Variants in RBFOX1 observed in about 807,000 individuals in gnomAD.
RBFOX1 encodes RNA binding protein fox-1 homolog 1.
RBFOX1 carries 8 observed loss-of-function variants against 57.7 expected under a neutral mutation model. That is an observed-to-expected ratio of 0.14 (90% CI 0.08 to 0.25). RBFOX1 has a LOEUF of 0.25. Ranked by LOEUF, RBFOX1 falls within the 10% of genes least tolerant of loss-of-function variation. The pLI is 1.00. For synonymous variants in RBFOX1, 326 were observed against 222.4 expected (o/e 1.47, Z -4.15); for missense variants, 611 against 548.5 (o/e 1.11, Z -1.14).
chr16:6,593,268 T>C (rs1189937726), intron 2 of RBFOX1, among the ~76,000 whole-genome samples: 1 of 152,182 alleles, frequency 6.6e-6, no homozygotes, highest in Non-Finnish European at 1.5e-5. Context: ...CTGGATCTCA[T>C]GTATTCCCTA....
intron 3 of RBFOX1, among the ~76,000 whole-genome samples, chr16:7,031,240 A>G (rs568684566): frequency 2.0e-5 from 3 of 152,296 alleles, no homozygotes; most frequent in East Asian, 1.9e-4. Context: ...TGACTCCTCT[A>G]TTTACTCATG....
At chr16:7,453,062 G>T (rs985749534) in intron 4 of RBFOX1, among the ~76,000 whole-genome samples, 8 of 150,800 alleles carry the variant, frequency 5.3e-5, no homozygotes, top group South Asian at 4.2e-4. Context: ...CCGGGAGGTG[G>T]AGGTTGCAGT....
chr16:5,875,004 G>C (rs1295865195), intron 4 of RBFOX1, among the ~76,000 whole-genome samples: 1 of 152,048 alleles, frequency 6.6e-6, no homozygotes, highest in East Asian at 1.9e-4. Flanking sequence ...GAGGTTAGAG[G>C]GGAAAAATAA....
At chr16:5,596,784 C>G (rs989376204) in intron 2 of RBFOX1, among the ~76,000 whole-genome samples, 2 of 152,244 alleles carry the variant, frequency 1.3e-5, no homozygotes, top group African/African-American at 4.8e-5. Context: ...ATTGACGCAT[C>G]TGGCAGCAAA....
At chr16:6,740,248 G>T (rs147288444) in intron 3 of RBFOX1, among the ~76,000 whole-genome samples, 33 of 152,156 alleles carry the variant, frequency 2.2e-4, no homozygotes, top group African/African-American at 7.9e-4. Flanking sequence ...AATAAGAATC[G>T]ATAACAGTTT....
intron 2 of RBFOX1, among the ~76,000 whole-genome samples, chr16:6,484,357 C>G (rs1032005607): frequency 6.6e-6 from 1 of 152,162 alleles, no homozygotes; most frequent in African/African-American, 2.4e-5. Context: ...GCTCGTTGCG[C>G]TGGTGTACTC....
At chr16:7,669,735 A>T (rs563902596) in intron 13 of RBFOX1, among the ~76,000 whole-genome samples, 1 of 152,206 alleles carries the variant, frequency 6.6e-6, no homozygotes, top group East Asian at 1.9e-4. Context: ...AAACTCAGGA[A>T]TGAGATGTGT....
chr16:7,274,909 C>G (rs564277552), intron 4 of RBFOX1, among the ~76,000 whole-genome samples: 1 of 152,096 alleles, frequency 6.6e-6, no homozygotes, highest in South Asian at 2.1e-4. Flanking sequence ...GTCTCGAGCT[C>G]TTGGCCTGAA....
intron 4 of RBFOX1, among the ~76,000 whole-genome samples, chr16:7,459,083 T>G (rs1283257254): frequency 6.6e-6 from 1 of 151,968 alleles, no homozygotes; most frequent in Admixed American, 6.6e-5. Flanking sequence ...GGTGAGTGGA[T>G]GGATGGATGA....
At chr16:7,297,023 C>G (rs555643836) in intron 4 of RBFOX1, among the ~76,000 whole-genome samples, 2 of 152,188 alleles carry the variant, frequency 1.3e-5, no homozygotes, top group East Asian at 3.9e-4. Context: ...TGAAAGATCC[C>G]GTTTTCCAAG....
chr16:5,802,807 A>G (rs1056010593), intron 3 of RBFOX1, among the ~76,000 whole-genome samples: 1 of 152,192 alleles, frequency 6.6e-6, no homozygotes, highest in African/African-American at 2.4e-5. Flanking sequence ...TTGTTCATCC[A>G]TCTATACACA....
chr16:6,357,688 C>A (rs997862946), intron 2 of RBFOX1, among the ~76,000 whole-genome samples: 2 of 152,100 alleles, frequency 1.3e-5, no homozygotes, highest in South Asian at 4.2e-4. Flanking sequence ...GTGGCTCATG[C>A]CTGTAATCCC....
At chr16:6,967,178 C>A (rs929149195) in intron 3 of RBFOX1, among the ~76,000 whole-genome samples, 2 of 152,106 alleles carry the variant, frequency 1.3e-5, no homozygotes, top group African/African-American at 4.8e-5. Flanking sequence ...TACATTCACA[C>A]ATCCATTTTC....
chr16:6,565,887 C>G (rs987508869), intron 2 of RBFOX1, among the ~76,000 whole-genome samples: 1 of 152,188 alleles, frequency 6.6e-6, no homozygotes, highest in African/African-American at 2.4e-5. Context: ...ACACATAACC[C>G]CCAATATCCA....
At chr16:6,026,872 C>T (rs954576909) in intron 1 of RBFOX1, among the ~76,000 whole-genome samples, 2 of 152,190 alleles carry the variant, frequency 1.3e-5, no homozygotes, top group African/African-American at 4.8e-5. Flanking sequence ...CCTTGGGCAT[C>T]ATGCAGTCAC....
chr16:6,657,088 C>T (rs2098662972), intron 3 of RBFOX1, among the ~76,000 whole-genome samples: 1 of 120,366 alleles, frequency 8.3e-6, no homozygotes, highest in Non-Finnish European at 1.6e-5. Context: ...CTTTCCTCTC[C>T]TCCCCTTTAC....
chr16:5,252,560 T>G (rs567517287), intron 1 of RBFOX1, among the ~76,000 whole-genome samples: 1 of 152,278 alleles, frequency 6.6e-6, no homozygotes, highest in African/African-American at 2.4e-5. Flanking sequence ...CTTGGGCTGC[T>G]TTAGTGGCAC....
intron 4 of RBFOX1, among the ~76,000 whole-genome samples, chr16:7,403,809 G>C (rs994970290): frequency 3.3e-5 from 5 of 151,960 alleles, no homozygotes; most frequent in African/African-American, 1.2e-4. Context: ...GCCTCCCAAA[G>C]TGCTGGGATT....
chr16:6,815,816 C>A (rs912223614), intron 3 of RBFOX1, among the ~76,000 whole-genome samples: 1 of 152,154 alleles, frequency 6.6e-6, no homozygotes. Flanking sequence ...TTAATAGTTA[C>A]TTTAAGAGGA....
Sources: allele counts gnomAD v4.1 joint callset (sites outside exome capture counted in the v4.1 genomes callset), GRCh38; gene constraint gnomAD v4.1.1; transcripts MANE v1.5; gene names NCBI Gene and HGNC (gene_info 2026-07-23, HGNC 2026-07-21).